IMMP2L: variants seen among roughly 807,000 people sequenced by gnomAD.
The protein encoded by IMMP2L is inner mitochondrial membrane peptidase subunit 2.
Under a neutral mutation model 19.3 loss-of-function variants are expected in IMMP2L, and 18 were observed. That is an observed-to-expected ratio of 0.93 (90% confidence interval 0.64 to 1.38). IMMP2L has a LOEUF of 1.38. Among genes scored for constraint, IMMP2L ranks in the 40% most tolerant of loss-of-function variants. IMMP2L has a pLI of 0.00. For synonymous variants in IMMP2L, 76 were observed against 73.0 expected (o/e 1.04, Z -0.21); for missense variants, 233 against 218.2 (o/e 1.07, Z -0.43).
At chr7:111,251,008 G>A (rs1481887494) in intron 3 of IMMP2L, among the ~76,000 whole-genome samples, 2 of 152,044 alleles carry the variant, frequency 1.3e-5, no homozygotes, top group Non-Finnish European at 2.9e-5. Flanking sequence ...CTATCCATCC[G>A]ACAAAGGTCT....
intron 3 of IMMP2L, among the ~76,000 whole-genome samples, chr7:111,014,398 C>T (rs1563160422): frequency 6.6e-6 from 1 of 151,898 alleles, no homozygotes; most frequent in African/African-American, 2.4e-5. Flanking sequence ...TACACACACA[C>T]ATACACACAC....
At chr7:110,798,634 T>C (rs1406868704) in intron 5 of IMMP2L, among the ~76,000 whole-genome samples, 1 of 151,942 alleles carries the variant, frequency 6.6e-6, no homozygotes, top group Non-Finnish European at 1.5e-5. Context: ...AAACTAAATT[T>C]AAAGCCAAAT....
At chr7:111,342,912 A>G (rs1029022094) in intron 3 of IMMP2L, among the ~76,000 whole-genome samples, 2 of 152,042 alleles carry the variant, frequency 1.3e-5, no homozygotes, top group Non-Finnish European at 1.5e-5. Flanking sequence ...ACCCCAGCAA[A>G]CTACCAAAAC....
At chr7:110,885,499 G>T (rs1454294539) in intron 5 of IMMP2L, among the ~76,000 whole-genome samples, 1 of 151,248 alleles carries the variant, frequency 6.6e-6, no homozygotes, top group Non-Finnish European at 1.5e-5. Context: ...ATAAGCTATT[G>T]CAGGGATTCA....
At chr7:111,000,576 G>C (rs1039889989) in intron 3 of IMMP2L, among the ~76,000 whole-genome samples, 1 of 152,300 alleles carries the variant, frequency 6.6e-6, no homozygotes, top group Non-Finnish European at 1.5e-5. Flanking sequence ...GGGCGCAGTG[G>C]CTCACGCCTG....
At chr7:110,975,621 T>A (rs1259259467) in intron 3 of IMMP2L, among the ~76,000 whole-genome samples, 4 of 152,116 alleles carry the variant, frequency 2.6e-5, no homozygotes, top group Non-Finnish European at 5.9e-5. Context: ...AGCTTCTAGA[T>A]GTTTTAGTGC....
chr7:111,501,172 G>A (rs974308792), intron 2 of IMMP2L, among the ~76,000 whole-genome samples: 1 of 152,146 alleles, frequency 6.6e-6, no homozygotes, highest in African/African-American at 2.4e-5. Flanking sequence ...ACTACGTGAA[G>A]AATGCAGAAG....
intron 4 of IMMP2L, among the ~76,000 whole-genome samples, chr7:110,955,940 G>C (rs1818313364): frequency 6.6e-6 from 1 of 151,686 alleles, no homozygotes; most frequent in African/African-American, 2.4e-5. Flanking sequence ...TAAAAAAAAA[G>C]AATTTATTAA....
chr7:111,193,389 G>C (rs1208423661), intron 3 of IMMP2L, among the ~76,000 whole-genome samples: 2 of 152,072 alleles, frequency 1.3e-5, no homozygotes, highest in Admixed American at 1.3e-4. Flanking sequence ...AATCTTAAAG[G>C]CGCAATAAAA....
intron 3 of IMMP2L, among the ~76,000 whole-genome samples, chr7:111,062,422 A>C (rs955243392): frequency 2.0e-5 from 3 of 152,184 alleles, no homozygotes; most frequent in Non-Finnish European, 4.4e-5. Flanking sequence ...GAGTTACAAG[A>C]GGAGATTTGG....
rs537361574 is a variant in IMMP2L, at chr7:111,555,116, TC to T, written c.-3+6734del. Among the ~76,000 whole-genome samples the T allele has an allele frequency of 1.9e-3, 292 of 152,294 alleles. 2 individuals carry two copies. Among genetic ancestry groups the T allele is most frequent in the South Asian group, 0.016 (75 of 4,828 alleles). ...CCTTCCTGCCATATATATCTTTGTA[TC>T]CAGGGCCTTTACCATAGCAGATATT... On this transcript the variant is annotated intron_variant, in intron 1 of 5. Transcript: ENST00000405709.
chr7:110,931,824 CTACACTCCACT>C (rs1451550678), intron 4 of IMMP2L, among the ~76,000 whole-genome samples: 1 of 152,180 alleles, frequency 6.6e-6, no homozygotes, highest in Admixed American at 6.5e-5. Flanking sequence ...TCATCTCCCA[CTACACTCCACT>C]TCATATCCAC....
At chr7:110,858,372 C>G (rs186315058) in intron 5 of IMMP2L, among the ~76,000 whole-genome samples, 13 of 152,078 alleles carry the variant, frequency 8.5e-5, no homozygotes, top group Non-Finnish European at 1.6e-4. Flanking sequence ...TGTTTCCAGA[C>G]TAAAGTTTTT....
intron 3 of IMMP2L, among the ~76,000 whole-genome samples, chr7:111,048,291 A>G (rs983539174): frequency 6.6e-6 from 1 of 151,592 alleles, no homozygotes. Flanking sequence ...GAAAAAAAGA[A>G]ATCTGGCTGC....
chr7:111,118,139 T>C (rs1800120003), intron 3 of IMMP2L, among the ~76,000 whole-genome samples: 1 of 152,142 alleles, frequency 6.6e-6, no homozygotes, highest in Non-Finnish European at 1.5e-5. Context: ...GTAAATCAAA[T>C]CTACTGTGCA....
chr7:111,504,233 A>C (rs1408750854), intron 2 of IMMP2L, among the ~76,000 whole-genome samples: 1 of 152,176 alleles, frequency 6.6e-6, no homozygotes, highest in Non-Finnish European at 1.5e-5. Context: ...TGCTTCAAAG[A>C]GAATAAAATA....
At chr7:111,124,667 G>A (rs1329506570) in intron 3 of IMMP2L, 7 of 1,613,738 alleles carry the variant, frequency 4.3e-6, no homozygotes, top group Non-Finnish European at 3.4e-6. Flanking sequence ...CTTATGGCCT[G>A]TCTTGGAGGC....
At chr7:111,198,260 C>A (rs1310282299) in intron 3 of IMMP2L, among the ~76,000 whole-genome samples, 1 of 152,176 alleles carries the variant, frequency 6.6e-6, no homozygotes, top group Non-Finnish European at 1.5e-5. Context: ...GACAATTCCT[C>A]TAAATATGGC....
At chr7:110,747,703 T>C (rs1797445964) in intron 5 of IMMP2L, among the ~76,000 whole-genome samples, 1 of 152,160 alleles carries the variant, frequency 6.6e-6, no homozygotes, top group South Asian at 2.1e-4. Context: ...CAACAGCCCT[T>C]CATGCTAAAA....
Sources: gnomAD v4.1 joint callset for allele counts (sites outside exome capture counted in the v4.1 genomes callset) on GRCh38, gnomAD v4.1.1 for gene constraint, MANE v1.5 for transcripts, NCBI Gene and HGNC (gene_info 2026-07-23, HGNC 2026-07-21) for gene names.